The following CBR4 variants were observed in gnomAD, a reference collection of about 807,000 sequenced individuals.
The protein encoded by CBR4 is carbonyl reductase 4, also known as 3-oxoacyl-[acyl-carrier-protein] reductase.
CBR4 carries 22 observed loss-of-function variants against 21.0 expected under a neutral mutation model. The ratio of observed to expected loss-of-function variants is 1.05; its 90% CI spans 0.75 to 1.50. The LOEUF is 1.50. Ranked by LOEUF, CBR4 falls within the 40% of genes most tolerant of loss-of-function variation. CBR4 has a pLI of 0.00. For missense variants in CBR4, 302 were observed against 286.3 expected, an observed-to-expected ratio of 1.05 and a Z score of -0.40; for synonymous variants, 100 against 104.4, an observed-to-expected ratio of 0.96 and a Z score of 0.26.
At chr4:169,000,759 T>A (rs1279735461) in intron 4 of CBR4, among the ~76,000 whole-genome samples, 1 of 152,162 alleles carries the variant, frequency 6.6e-6, no homozygotes, top group Admixed American at 6.5e-5. Context: ...ACCAGCTAAT[T>A]AGTGATCATA....
At chr4:168,938,032 A>T (rs1339766497) in intron 2 of CBR4, among the ~76,000 whole-genome samples, 1 of 152,234 alleles carries the variant, frequency 6.6e-6, no homozygotes, top group East Asian at 1.9e-4. Context: ...ACCATATCAC[A>T]GTTATTCTAA....
intron 3 of CBR4, chr4:168,894,521 C>CA: frequency 1.0e-6 from 1 of 1,001,294 alleles, no homozygotes; most frequent in Non-Finnish European, 1.6e-6. Context: ...TTTCATAGGG[C>CA]AGTACATATT....
chr4:168,908,760 G>C (rs1758329738), intron 2 of CBR4, among the ~76,000 whole-genome samples: 1 of 152,174 alleles, frequency 6.6e-6, no homozygotes, highest in Admixed American at 6.6e-5. Context: ...GGAAAAATTA[G>C]TTCAGTAATG....
intron 4 of CBR4, among the ~76,000 whole-genome samples, chr4:168,996,201 G>A (rs1447549503): frequency 6.6e-6 from 1 of 152,202 alleles, no homozygotes; most frequent in African/African-American, 2.4e-5. Context: ...GAGAGGCCAA[G>A]TTGAAAGGAA....
intron 2 of CBR4, among the ~76,000 whole-genome samples, chr4:168,917,316 G>A (rs1760385290): frequency 6.6e-6 from 1 of 152,144 alleles, no homozygotes; most frequent in African/African-American, 2.4e-5. Flanking sequence ...CCAAAGTGCT[G>A]GGATTACAGG....
At chr4:168,942,497 TAA>T (rs1369515458) in intron 2 of CBR4, among the ~76,000 whole-genome samples, 1 of 152,084 alleles carries the variant, frequency 6.6e-6, no homozygotes, top group Admixed American at 6.5e-5. Flanking sequence ...ATCAAAGGCC[TAA>T]ATGTAGGACT....
chr4:168,896,545 A>G (rs1015502212), intron 2 of CBR4: 71 of 1,472,154 alleles, frequency 4.8e-5, no homozygotes, highest in Non-Finnish European at 6.5e-5. Context: ...TTCTACCATT[A>G]CAGGACATTG....
chr4:168,954,768 G>GT (rs2126710985), intron 2 of CBR4, among the ~76,000 whole-genome samples: 2 of 152,238 alleles, frequency 1.3e-5, no homozygotes, highest in South Asian at 4.2e-4. Context: ...AGGATCCAAC[G>GT]TATTAGATAG....
At chr4:168,961,922 G>C (rs950530772) in intron 2 of CBR4, among the ~76,000 whole-genome samples, 12 of 143,454 alleles carry the variant, frequency 8.4e-5, no homozygotes, top group Non-Finnish European at 1.5e-4. Context: ...GAGGGGAGGG[G>C]AGAACAAGAG....
In CBR4 at chr4:169,006,756, T is replaced by C. The variant is rs1196104983; in HGVS notation, c.399A>G (p.Val133=). The C allele has an allele frequency of 2.5e-6, 4 of 1,613,102 alleles. No homozygotes were observed. The highest frequency in any genetic ancestry group is 2.7e-5 in the African/African-American group (2 of 74,920). The part of the protein sequence containing the change: ...IQQQGGSIVN[V]GSIVGLKGNS... ...AAATTCACAAAGGTGAAGACTCACC[T>C]ACATTAACAATAGACCCTCCCTGTT... The change falls in exon 3 of 5, where the codon GTA becomes GTG. Residue 133 remains valine, a splice_region_variant and synonymous_variant. Transcript: ENST00000306193.
chr4:168,932,819 A>C (rs1289846669), intron 2 of CBR4, among the ~76,000 whole-genome samples: 1 of 152,200 alleles, frequency 6.6e-6, no homozygotes, highest in African/African-American at 2.4e-5. Context: ...ATATTGCTTT[A>C]ATATTCTTTA....
In CBR4 at chr4:169,008,321, GA is replaced by G. The variant is rs1313665695; in HGVS notation, c.143-566del. ...ATGCTAAAACTACAAACCACGGGGG[GA>G]AAAAAACACTTTTTACTAAAAGCAA... is the stretch of plus-strand genomic sequence containing the variant. On this transcript the variant is annotated intron_variant, in intron 1 of 4. Transcript: ENST00000306193. 4.6e-5 allele frequency among the ~76,000 whole-genome samples: 7 copies of G among 151,304 alleles called. No individual in the cohort carries two copies. The East Asian group carries it at 5.8e-4, about 13-fold the overall frequency.
In CBR4 at chr4:168,989,718, AT is replaced by A; in HGVS notation, c.*431del. Reference sequence around the variant, plus strand: ...TCCACTTTTGAGACAAAATATATAAATCAATACTTGTTTATATGACTTGCAA... The same window carrying A: ...TCCACTTTTGAGACAAAATATATAAACAATACTTGTTTATATGACTTGCAA... On this transcript the variant is annotated 3_prime_UTR_variant, in exon 5 of 5. Coordinates refer to ENST00000306193, the MANE Select transcript of CBR4 (RefSeq NM_032783.5). The A allele has an allele frequency of 1.0e-6, 1 of 981,254 alleles. No individual in the cohort carries two copies. Among genetic ancestry groups the A allele is most frequent in the Non-Finnish European group, 1.2e-6 (1 of 826,034 alleles). 60.8% of individuals were successfully genotyped at this position (981,254 alleles called of 1,614,324 possible). A position where few individuals can be genotyped will look rare whatever the true frequency, so the allele number is the denominator to read the frequency against.
intron 4 of CBR4, among the ~76,000 whole-genome samples, chr4:169,000,382 A>G (rs1159898964): frequency 6.6e-6 from 1 of 151,770 alleles, no homozygotes; most frequent in Non-Finnish European, 1.5e-5. Flanking sequence ...GCTATGAGAA[A>G]AAAAAAAAAG....
At chr4:168,916,837 A>G (rs1217230510) in intron 2 of CBR4, among the ~76,000 whole-genome samples, 1 of 151,098 alleles carries the variant, frequency 6.6e-6, no homozygotes, top group African/African-American at 2.4e-5. Context: ...GGCCCAGCTA[A>G]TTTTTGTATT....
Position 169,002,221 on chromosome 4 carries a change from A to G in CBR4, c.401-16T>C, listed in dbSNP as rs762592339. 38 of 1,231,058 alleles carry G rather than the reference A, an allele frequency of 3.1e-5. No individual in the cohort carries two copies. The highest frequency in any genetic ancestry group is 4.1e-5 in the Non-Finnish European group (38 of 931,722). The allele number at this position is 1,231,058 out of a possible 1,614,324, so 76.3% of individuals were successfully genotyped here. A position where few individuals can be genotyped will look rare whatever the true frequency, so the allele number is the denominator to read the frequency against. ...ACAATGCTTCCTAGGACAAAAAAAA[A>G]AAAAAAAAAAAAAAAAGCGTATTAA... is the stretch of plus-strand genomic sequence containing the variant. On this transcript the variant is annotated splice_polypyrimidine_tract_variant and intron_variant, in intron 3 of 4. Coordinates refer to ENST00000306193, the MANE Select transcript of CBR4 (RefSeq NM_032783.5).
intron 2 of CBR4, chr4:168,924,222 C>CATTG: frequency 6.3e-7 from 1 of 1,590,532 alleles, no homozygotes; most frequent in Non-Finnish European, 8.6e-7. Flanking sequence ...TTTTGTATAT[C>CATTG]ATTGATAGAG....
rs953320353 is a variant in CBR4 at position 168,995,386 on chromosome 4, CG to C, written c.536-5059del. ...ACCATTTGAACAGGTTTTTTCACCT[CG>C]GGGAAAAAAGCAGATCTAGAATAAG... On this transcript the variant is annotated intron_variant, in intron 4 of 4. Coordinates refer to ENST00000306193, the MANE Select transcript of CBR4 (RefSeq NM_032783.5). Among the ~76,000 whole-genome samples the C allele has an allele frequency of 9.6e-4, 146 of 151,966 alleles. 1 individual carries two copies. Among genetic ancestry groups the C allele is most frequent in the African/African-American group, 3.4e-3 (141 of 41,456 alleles).
intron 4 of CBR4, among the ~76,000 whole-genome samples, chr4:168,992,175 G>C (rs1482198478): frequency 6.6e-6 from 1 of 152,130 alleles, no homozygotes; most frequent in African/African-American, 2.4e-5. Context: ...CTTTCATTAG[G>C]AAAAAACTGA....
Sources: allele counts gnomAD v4.1 joint callset (sites outside exome capture counted in the v4.1 genomes callset), GRCh38; gene constraint gnomAD v4.1.1; transcripts MANE v1.5; gene names NCBI Gene and HGNC (gene_info 2026-07-23, HGNC 2026-07-21).